RBFOX1: variants seen among roughly 807,000 people sequenced by gnomAD.
The protein encoded by RBFOX1 is RNA binding protein fox-1 homolog 1.
Under a neutral mutation model 57.7 loss-of-function variants are expected in RBFOX1, and 8 were observed. That is an observed-to-expected ratio of 0.14 (90% CI 0.08 to 0.25). RBFOX1 has a LOEUF of 0.25. RBFOX1 is among the 10% of genes least tolerant of loss of function. RBFOX1 has a pLI of 1.00. For missense variants in RBFOX1, 611 were observed against 548.5 expected (o/e 1.11, Z -1.14); for synonymous variants, 326 against 222.4 (o/e 1.47, Z -4.15).
intron 5 of RBFOX1, among the ~76,000 whole-genome samples, chr16:7,529,234 C>T (rs1029406617): frequency 6.6e-6 from 1 of 152,180 alleles, no homozygotes; most frequent in South Asian, 2.1e-4. Flanking sequence ...ACACTCCACC[C>T]TGAGTGACAG....
chr16:5,390,963 C>T (rs1442338486), intron 1 of RBFOX1, among the ~76,000 whole-genome samples: 1 of 152,202 alleles, frequency 6.6e-6, no homozygotes, highest in Non-Finnish European at 1.5e-5. Flanking sequence ...TAAGCCATTC[C>T]TGAAGCTAGA....
chr16:5,380,229 G>T (rs540590054), intron 1 of RBFOX1, among the ~76,000 whole-genome samples: 6 of 152,306 alleles, frequency 3.9e-5, no homozygotes, highest in African/African-American at 1.2e-4. Flanking sequence ...GCTGGAGTTT[G>T]GCTGCCTTTG....
At chr16:5,644,827 T>G (rs1216527352) in intron 3 of RBFOX1, among the ~76,000 whole-genome samples, 1 of 152,202 alleles carries the variant, frequency 6.6e-6, no homozygotes, top group African/African-American at 2.4e-5. Context: ...TTTTGCCAAT[T>G]GTGAATAATG....
chr16:6,376,449 T>A (rs1281939370), intron 2 of RBFOX1, among the ~76,000 whole-genome samples: 1 of 152,194 alleles, frequency 6.6e-6, no homozygotes, highest in African/African-American at 2.4e-5. Flanking sequence ...CTGAAGGCAT[T>A]AAGGGTGAAT....
At chr16:7,687,498 A>G (rs2076314752) in intron 14 of RBFOX1, among the ~76,000 whole-genome samples, 1 of 152,042 alleles carries the variant, frequency 6.6e-6, no homozygotes, top group Non-Finnish European at 1.5e-5. Flanking sequence ...GAATGATGTG[A>G]GTCAACTCTT....
intron 4 of RBFOX1, among the ~76,000 whole-genome samples, chr16:7,400,285 G>T (rs2098219015): frequency 1.3e-5 from 2 of 152,068 alleles, no homozygotes; most frequent in South Asian, 4.2e-4. Flanking sequence ...TAGAGGGGAG[G>T]GGCAAGGATA....
chr16:6,856,886 G>T (rs2058009345), intron 3 of RBFOX1, among the ~76,000 whole-genome samples: 1 of 152,044 alleles, frequency 6.6e-6, no homozygotes, highest in South Asian at 2.1e-4. Context: ...GCTGCAAAAT[G>T]TTAGAGACAG....
intron 3 of RBFOX1, among the ~76,000 whole-genome samples, chr16:6,847,870 G>A (rs1197482113): frequency 6.6e-6 from 1 of 151,848 alleles, no homozygotes; most frequent in Non-Finnish European, 1.5e-5. Context: ...TGGAGTCTTG[G>A]TCTGTCAGTC....
intron 3 of RBFOX1, among the ~76,000 whole-genome samples, chr16:5,650,541 G>C (rs1381781239): frequency 6.6e-6 from 1 of 152,190 alleles, no homozygotes; most frequent in Non-Finnish European, 1.5e-5. Context: ...CTTTGGCTTT[G>C]GGGAAGGCTT....
chr16:5,844,876 A>G (rs1244434294), intron 3 of RBFOX1, among the ~76,000 whole-genome samples: 3 of 152,170 alleles, frequency 2.0e-5, no homozygotes, highest in Admixed American at 6.5e-5. Context: ...ACCCATTCCA[A>G]AAAGAAACAG....
intron 3 of RBFOX1, among the ~76,000 whole-genome samples, chr16:6,827,112 A>C (rs1172858983): frequency 6.6e-6 from 1 of 152,154 alleles, no homozygotes; most frequent in Non-Finnish European, 1.5e-5. Flanking sequence ...AGTGTCCTTT[A>C]ATCTAACACC....
At chr16:7,657,289 A>G (rs1316462706) in intron 12 of RBFOX1, among the ~76,000 whole-genome samples, 1 of 152,088 alleles carries the variant, frequency 6.6e-6, no homozygotes, top group Non-Finnish European at 1.5e-5. Context: ...GATGCCCTAC[A>G]TTCATCCATT....
chr16:6,435,227 A>C (rs1258380481), intron 2 of RBFOX1, among the ~76,000 whole-genome samples: 1 of 152,208 alleles, frequency 6.6e-6, no homozygotes, highest in Non-Finnish European at 1.5e-5. Flanking sequence ...ACCAATTAGC[A>C]AACTGTTGTG....
At chr16:6,729,782 A>C (rs138466499) in intron 3 of RBFOX1, among the ~76,000 whole-genome samples, 1 of 152,114 alleles carries the variant, frequency 6.6e-6, no homozygotes, top group East Asian at 1.9e-4. Flanking sequence ...ACTTAAGTTG[A>C]GTTTGTTTCT....
At chr16:6,162,604 A>G (rs1405129341) in intron 1 of RBFOX1, among the ~76,000 whole-genome samples, 2 of 152,220 alleles carry the variant, frequency 1.3e-5, no homozygotes, top group East Asian at 3.8e-4. Context: ...AACAGTGGTA[A>G]CAGTGTTTCC....
intron 3 of RBFOX1, among the ~76,000 whole-genome samples, chr16:5,735,554 G>A (rs1186314743): frequency 6.6e-6 from 1 of 152,148 alleles, no homozygotes; most frequent in Admixed American, 6.5e-5. Context: ...AGGCATGTGG[G>A]TGTCCATTAC....
intron 3 of RBFOX1, among the ~76,000 whole-genome samples, chr16:6,892,145 T>G (rs1181296658): frequency 6.6e-6 from 1 of 152,176 alleles, no homozygotes; most frequent in Non-Finnish European, 1.5e-5. Flanking sequence ...GGTTGGTGAT[T>G]GCAGACCCTC....
chr16:5,625,397 G>T (rs1032755153), intron 3 of RBFOX1, among the ~76,000 whole-genome samples: 2 of 152,158 alleles, frequency 1.3e-5, no homozygotes, highest in African/African-American at 4.8e-5. Context: ...GAGAGGTCAA[G>T]AACGTGGCCA....
chr16:6,588,642 A>G (rs573909037), intron 2 of RBFOX1, among the ~76,000 whole-genome samples: 1 of 152,328 alleles, frequency 6.6e-6, no homozygotes, highest in East Asian at 1.9e-4. Flanking sequence ...ACAGAGTGAG[A>G]CTAAGTCTGA....
Sources: gnomAD v4.1 joint callset for allele counts (sites outside exome capture counted in the v4.1 genomes callset) on GRCh38, gnomAD v4.1.1 for gene constraint, MANE v1.5 for transcripts, NCBI Gene and HGNC (gene_info 2026-07-23, HGNC 2026-07-21) for gene names.